Variants in CNTNAP2 observed in about 807,000 individuals in gnomAD.
CNTNAP2 encodes contactin-associated protein-like 2.
A neutral mutation model predicts 155.2 loss-of-function variants in CNTNAP2; 98 were observed. The observed-to-expected ratio is 0.63, with a 90% CI of 0.54 to 0.75. CNTNAP2 has a LOEUF of 0.75. Ranked by LOEUF, CNTNAP2 falls within the 30% of genes least tolerant of loss-of-function variation. The pLI is 0.00. For missense variants in CNTNAP2, 1,727 were observed against 1,688.1 expected (o/e 1.02, Z -0.40); for synonymous variants, 651 against 631.2 (o/e 1.03, Z -0.47).
At chr7:148,412,242 T>C (rs951303272) in intron 23 of CNTNAP2, among the ~76,000 whole-genome samples, 4 of 152,212 alleles carry the variant, frequency 2.6e-5, no homozygotes, top group Non-Finnish European at 4.4e-5. Context: ...TCCCGGCCTG[T>C]TGTATCTTTA....
intron 10 of CNTNAP2, among the ~76,000 whole-genome samples, chr7:147,482,534 C>T (rs1798438714): frequency 6.6e-6 from 1 of 151,542 alleles, no homozygotes; most frequent in African/African-American, 2.4e-5. Context: ...CTGGCTAACA[C>T]AGTGAAACCC....
At chr7:146,895,956 C>T (rs367947105) in intron 3 of CNTNAP2, among the ~76,000 whole-genome samples, 12 of 152,234 alleles carry the variant, frequency 7.9e-5, no homozygotes, top group African/African-American at 2.9e-4. Flanking sequence ...ATTTTCTCAA[C>T]TACTGGCAAT....
At chr7:147,028,806 C>T (rs529965812) in intron 3 of CNTNAP2, among the ~76,000 whole-genome samples, 1 of 152,142 alleles carries the variant, frequency 6.6e-6, no homozygotes, top group East Asian at 1.9e-4. Flanking sequence ...GTTGAACTTA[C>T]ATTTGAAGAC....
At chr7:147,401,618 A>C (rs1796914697) in intron 10 of CNTNAP2, among the ~76,000 whole-genome samples, 1 of 152,210 alleles carries the variant, frequency 6.6e-6, no homozygotes, top group Admixed American at 6.5e-5. Flanking sequence ...CCAAATCTCA[A>C]GTTGATTTGT....
intron 3 of CNTNAP2, among the ~76,000 whole-genome samples, chr7:146,905,955 G>T (rs577944450): frequency 1.3e-5 from 2 of 152,178 alleles, no homozygotes; most frequent in African/African-American, 2.4e-5. Context: ...CACACCGTGC[G>T]CGAGCCGAAG....
At chr7:148,176,109 A>T (rs1585168675) in intron 18 of CNTNAP2, among the ~76,000 whole-genome samples, 1 of 151,376 alleles carries the variant, frequency 6.6e-6, no homozygotes, top group Non-Finnish European at 1.5e-5. Flanking sequence ...TGCTTTGTAG[A>T]TGATGCACTG....
intron 1 of CNTNAP2, among the ~76,000 whole-genome samples, chr7:146,170,902 G>A (rs943648851): frequency 5.3e-5 from 8 of 151,968 alleles, no homozygotes; most frequent in Admixed American, 1.3e-4. Flanking sequence ...TGTTGGCTGC[G>A]TGTAATCCCA....
chr7:147,018,350 C>G (rs1798761631), intron 3 of CNTNAP2, among the ~76,000 whole-genome samples: 1 of 152,042 alleles, frequency 6.6e-6, no homozygotes, highest in South Asian at 2.1e-4. Context: ...CTATAATACC[C>G]ACTCTATGAC....
chr7:146,216,684 T>A (rs1799119349), intron 1 of CNTNAP2, among the ~76,000 whole-genome samples: 1 of 152,196 alleles, frequency 6.6e-6, no homozygotes, highest in South Asian at 2.1e-4. Context: ...GTTTTCCTTT[T>A]GCTCAAAGCA....
At chr7:147,856,448 G>A (rs946850623) in intron 13 of CNTNAP2, among the ~76,000 whole-genome samples, 11 of 152,204 alleles carry the variant, frequency 7.2e-5, no homozygotes, top group East Asian at 3.9e-4. Context: ...GGGAAATGCC[G>A]AAACACCCTC....
chr7:147,331,515 A>G (rs1795568749), intron 9 of CNTNAP2, among the ~76,000 whole-genome samples: 1 of 152,072 alleles, frequency 6.6e-6, no homozygotes, highest in African/African-American at 2.4e-5. Flanking sequence ...AAAACTGTAC[A>G]TATGAATGAG....
intron 3 of CNTNAP2, among the ~76,000 whole-genome samples, chr7:146,980,021 G>A (rs1394175227): frequency 6.6e-6 from 1 of 152,110 alleles, no homozygotes; most frequent in African/African-American, 2.4e-5. Context: ...CTTTTTCCAG[G>A]TGGATGTCCT....
At chr7:146,814,955 A>G (rs1044909106) in intron 2 of CNTNAP2, among the ~76,000 whole-genome samples, 5 of 152,244 alleles carry the variant, frequency 3.3e-5, no homozygotes, top group Non-Finnish European at 5.9e-5. Flanking sequence ...AAAGGAAAAG[A>G]AAATTTATGA....
intron 1 of CNTNAP2, among the ~76,000 whole-genome samples, chr7:146,475,019 A>G (rs369814228): frequency 6.7e-5 from 10 of 148,328 alleles, no homozygotes; most frequent in African/African-American, 2.1e-4. Context: ...GCGCGCACAC[A>G]CACACACACA....
At chr7:148,105,782 T>C (rs1804201473) in intron 15 of CNTNAP2, among the ~76,000 whole-genome samples, 1 of 152,116 alleles carries the variant, frequency 6.6e-6, no homozygotes, top group African/African-American at 2.4e-5. Context: ...AGACAGGGTT[T>C]CACCATGTTG....
chr7:148,328,129 T>C (rs1037857048), intron 21 of CNTNAP2, among the ~76,000 whole-genome samples: 1 of 152,064 alleles, frequency 6.6e-6, no homozygotes, highest in Non-Finnish European at 1.5e-5. Flanking sequence ...AGAGGCTATT[T>C]ATTCAGAGCT....
intron 13 of CNTNAP2, among the ~76,000 whole-genome samples, chr7:147,763,144 A>T (rs1316159419): frequency 6.6e-6 from 1 of 151,966 alleles, no homozygotes; most frequent in Non-Finnish European, 1.5e-5. Flanking sequence ...CTGTAATCCC[A>T]GCTACTCGGG....
rs1005563771 is a variant in CNTNAP2, at chr7:147,313,339, T to C, written c.1498+13049T>C. Among the ~76,000 whole-genome samples the C allele has an allele frequency of 1.4e-4, 21 of 150,808 alleles. No homozygotes were observed. In the East Asian group the frequency reaches 3.3e-3, roughly 24 times the overall value. On this transcript the variant is annotated intron_variant, in intron 9 of 23. Coordinates refer to ENST00000361727, the MANE Select transcript of CNTNAP2 (RefSeq NM_014141.6). The stretch of plus-strand genomic sequence containing the variant: ...GTTTTAGACATGAAGTCCTTGCCCA[T>C]GCCTATGTCCTGAATGGTAATGCCT...
At chr7:147,921,111 C>CTTT (rs1423794335) in intron 14 of CNTNAP2, among the ~76,000 whole-genome samples, 19 of 150,236 alleles carry the variant, frequency 1.3e-4, no homozygotes, top group African/African-American at 4.4e-4. Flanking sequence ...GCCCTGCCTC[C>CTTT]TTTTTTTTTT....
Sources: allele counts gnomAD v4.1 joint callset (sites outside exome capture counted in the v4.1 genomes callset), GRCh38; gene constraint gnomAD v4.1.1; transcripts MANE v1.5; gene names NCBI Gene and HGNC (gene_info 2026-07-23, HGNC 2026-07-21).